Variants in TRIO observed in about 807,000 individuals in gnomAD.
TRIO encodes the protein triple functional domain protein.
A neutral mutation model predicts 351.9 loss-of-function variants in TRIO; 58 were observed. The ratio of observed to expected loss-of-function variants is 0.16; its 90% CI spans 0.13 to 0.21. The LOEUF is 0.21. Ranked by LOEUF, TRIO falls within the 10% of genes least tolerant of loss-of-function variation. The probability of loss-of-function intolerance (pLI) is 1.00; values close to 1 mark genes in which losing one functional copy is unlikely to be tolerated. For synonymous variants in TRIO, 1,758 were observed against 1,595.7 expected, an observed-to-expected ratio of 1.10 and a Z score of -2.42; for missense variants, 3,201 against 4,027.8, an observed-to-expected ratio of 0.79 and a Z score of 5.56.
At chr5:14,211,426 T>C (rs1791884810) in intron 1 of TRIO, among the ~76,000 whole-genome samples, 3 of 152,242 alleles carry the variant, frequency 2.0e-5, no homozygotes, top group African/African-American at 7.2e-5. Context: ...AAGCAGTCAT[T>C]ACTATAAATT....
chr5:14,483,218 C>T (rs1288586245), intron 46 of TRIO, among the ~76,000 whole-genome samples: 5 of 152,192 alleles, frequency 3.3e-5, no homozygotes, highest in African/African-American at 1.2e-4. Flanking sequence ...TGGATGCCCT[C>T]CCTGCCCTGA....
intron 1 of TRIO, among the ~76,000 whole-genome samples, chr5:14,170,015 G>T (rs1789002280): frequency 6.6e-6 from 1 of 151,770 alleles, no homozygotes; most frequent in African/African-American, 2.4e-5. Context: ...ATTGGGGAGA[G>T]GGAGAGGGAG....
rs1437542431 is a variant in TRIO, at chr5:14,371,642, G to GTC, written c.3216+2120_3216+2121insCT. ...AAATTTTTTTGATTGTTCTGTAAAT[G>GTC]TTTTTTTTTTTTTTTTGAGACAGGG... On this transcript the variant is annotated intron_variant, in intron 18 of 56. Transcript: ENST00000344204. Among the ~76,000 whole-genome samples, 328 of 142,060 alleles carry GTC rather than the reference G, an allele frequency of 2.3e-3. 2 individuals are homozygous for GTC. Among genetic ancestry groups the GTC allele is most frequent in the African/African-American group, 7.7e-3 (298 of 38,506 alleles). The allele number at this position is 142,060 out of a possible 152,430, so 93.2% of individuals were successfully genotyped here.
At chr5:14,273,568 G>T in intron 2 of TRIO, among the ~76,000 whole-genome samples, 1 of 152,210 alleles carries the variant, frequency 6.6e-6, no homozygotes, top group East Asian at 1.9e-4. Context: ...AGGCAATTAG[G>T]CCATGAGGGC....
chr5:14,379,672 TATC>T (rs1259500220), intron 20 of TRIO, among the ~76,000 whole-genome samples: 1 of 152,260 alleles, frequency 6.6e-6, no homozygotes, highest in East Asian at 1.9e-4. Context: ...ATAACTTTAT[TATC>T]TCTCTTGAAA....
chr5:14,306,045 G>T (rs1251214158), intron 8 of TRIO, among the ~76,000 whole-genome samples: 4 of 152,206 alleles, frequency 2.6e-5, no homozygotes, highest in African/African-American at 9.7e-5. Flanking sequence ...TCTACATTGT[G>T]ATGTTCACAC....
At chr5:14,168,907 C>A (rs952735275) in intron 1 of TRIO, among the ~76,000 whole-genome samples, 1 of 152,212 alleles carries the variant, frequency 6.6e-6, no homozygotes, top group Admixed American at 6.5e-5. Context: ...CCGCTCCTGG[C>A]GGCAGACCGT....
chr5:14,245,020 G>C (rs354309), intron 1 of TRIO, among the ~76,000 whole-genome samples: 1 of 152,212 alleles, frequency 6.6e-6, no homozygotes, highest in Non-Finnish European at 1.5e-5. Context: ...GCATCCCACA[G>C]TTCTCTACAG....
intron 48 of TRIO, 42 bp from the exon 49 acceptor site, chr5:14,492,525 G>A: frequency 4.4e-6 from 7 of 1,602,900 alleles, no homozygotes; most frequent in Non-Finnish European, 6.0e-6. Flanking sequence ...TCTCGTTTCA[G>A]TTCCTCCCTG....
chr5:14,465,424 G>C (rs1579736630), intron 36 of TRIO, 121 bp from the exon 37 acceptor site: 1 of 864,730 alleles, frequency 1.2e-6, no homozygotes, highest in East Asian at 2.6e-5. Flanking sequence ...AGACAAACTT[G>C]TGGTCTTTTT....
At chr5:14,507,310 G>T in intron 56 of TRIO, 50 bp downstream of exon 56, 1 of 1,601,272 alleles carries the variant, frequency 6.2e-7, no homozygotes, top group Non-Finnish European at 8.5e-7. Flanking sequence ...CACCGGCTTG[G>T]CCATGCGGGA....
intron 1 of TRIO, among the ~76,000 whole-genome samples, chr5:14,211,140 T>C (rs1375964533): frequency 6.6e-6 from 1 of 152,202 alleles, no homozygotes; most frequent in Non-Finnish European, 1.5e-5. Context: ...GACTTTCCAA[T>C]TAGAACAGTA....
intron 34 of TRIO, among the ~76,000 whole-genome samples, chr5:14,454,996 C>T (rs1014721219): frequency 1.3e-5 from 2 of 151,520 alleles, no homozygotes; most frequent in East Asian, 1.9e-4. Flanking sequence ...GTTTGTATCT[C>T]TTGTCCAGAG....
At chr5:14,489,142 AG>A in intron 48 of TRIO, 1 of 698,478 alleles carries the variant, frequency 1.4e-6, no homozygotes, top group Non-Finnish European at 2.6e-6. Flanking sequence ...TTTCTCTAAA[AG>A]GGTCTGTGTC....
chr5:14,297,263 G>A lies in TRIO; in HGVS notation c.1368G>A (p.Lys456=), dbSNP rs1737444321. ...CCATTTTCCACCAGAAGGCCGAAAAGGTCAGTGCCTTGAACCCCCAGCCCA... is the reference window on the plus strand; with the variant it reads ...CCATTTTCCACCAGAAGGCCGAAAAAGTCAGTGCCTTGAACCCCCAGCCCA... The part of the protein sequence containing the change: ...MSSIFHQKAE[K]YMSNVDSWCK... The change falls in exon 7 of 57, where the codon AAG becomes AAA. Residue 456 remains lysine, a splice_region_variant and synonymous_variant. Transcript: ENST00000344204. 6.2e-7 allele frequency: 1 copy of A among 1,613,018 alleles called. No homozygotes were observed. The highest frequency in any genetic ancestry group is 8.5e-7 in the Non-Finnish European group (1 of 1,179,460).
At position 14,462,621 on chromosome 5, in the gene TRIO, C is replaced by T. The variant is rs141669421; in HGVS notation, c.5497-134C>T. The T allele has an allele frequency of 4.0e-6, 5 of 1,249,302 alleles. No homozygotes were observed. The African/African-American group carries it at 4.5e-5, about 11-fold the overall frequency. The allele number at this position is 1,249,302 out of a possible 1,614,324, so 77.4% of individuals were successfully genotyped here. On this transcript the variant is annotated intron_variant, in intron 35 of 56. Coordinates refer to ENST00000344204, the MANE Select transcript of TRIO (RefSeq NM_007118.4). Reference sequence around the variant, plus strand: ...GCAGGAAGAGAGGAAAAGTTACCATCGAGGTCGAGAATAGCTTTGTTCCTG... The same window carrying T: ...GCAGGAAGAGAGGAAAAGTTACCATTGAGGTCGAGAATAGCTTTGTTCCTG...
At chr5:14,360,637 C>T (rs1159409008) in intron 13 of TRIO, among the ~76,000 whole-genome samples, 1 of 152,222 alleles carries the variant, frequency 6.6e-6, no homozygotes, top group Non-Finnish European at 1.5e-5. Context: ...CACCTCGGTA[C>T]AGGAGGGACC....
intron 1 of TRIO, among the ~76,000 whole-genome samples, chr5:14,173,764 A>G (rs913426846): frequency 2.0e-5 from 3 of 152,202 alleles, no homozygotes; most frequent in African/African-American, 7.2e-5. Context: ...TTGGTTTTCT[A>G]TGTTTGCTTA....
intron 33 of TRIO, among the ~76,000 whole-genome samples, chr5:14,413,138 G>C (rs1749343673): frequency 6.6e-6 from 1 of 152,188 alleles, no homozygotes; most frequent in Non-Finnish European, 1.5e-5. Flanking sequence ...TCCTTCATCT[G>C]CACACTCTTG....
Sources: gnomAD v4.1 joint callset for allele counts (sites outside exome capture counted in the v4.1 genomes callset) on GRCh38, gnomAD v4.1.1 for gene constraint, MANE v1.5 for transcripts, NCBI Gene and HGNC (gene_info 2026-07-23, HGNC 2026-07-21) for gene names.